The following HDAC9 variants were observed in gnomAD, a reference collection of about 807,000 sequenced individuals.
HDAC9 encodes the protein histone deacetylase 9.
A neutral mutation model predicts 139.4 loss-of-function variants in HDAC9; 41 were observed. The ratio of observed to expected loss-of-function variants is 0.29; its 90% CI spans 0.23 to 0.38. The LOEUF (loss-of-function observed/expected upper bound fraction) is 0.38. HDAC9 is among the 10% of genes least tolerant of loss of function. The pLI, the probability that HDAC9 is intolerant of heterozygous loss-of-function variation, is 1.00. For missense variants in HDAC9, 1,147 were observed against 1,297.0 expected, an observed-to-expected ratio of 0.88 and a Z score of 1.78; for synonymous variants, 517 against 476.2, an observed-to-expected ratio of 1.09 and a Z score of -1.12.
intron 1 of HDAC9, among the ~76,000 whole-genome samples, chr7:18,390,045 A>AC (rs1277074853): frequency 3.4e-5 from 3 of 88,340 alleles, no homozygotes; most frequent in Non-Finnish European, 5.0e-5. Context: ...CTAGAGAAAG[A>AC]CAACACACAC....
At chr7:18,986,646 G>T (rs1422625058) in intron 25 of HDAC9, among the ~76,000 whole-genome samples, 2 of 151,610 alleles carry the variant, frequency 1.3e-5, no homozygotes, top group Non-Finnish European at 2.9e-5. Flanking sequence ...CATTGAATCT[G>T]TAAATTACCT....
chr7:18,158,479 G>A lies in HDAC9; in HGVS notation c.-96-3750G>A, dbSNP rs1421496923. ...ATGTTCATACAGCTCTGCTCAAGTGGTCTGTAATTCCTTGCAATGCCGCGA... is the reference window on the plus strand; with the variant it reads ...ATGTTCATACAGCTCTGCTCAAGTGATCTGTAATTCCTTGCAATGCCGCGA... On this transcript the variant is annotated intron_variant, in intron 1 of 12. Transcript: ENST00000417496. Among the ~76,000 whole-genome samples the A allele has an allele frequency of 3.3e-5, 5 of 152,182 alleles. No individual in the cohort carries two copies. The East Asian group carries it at 5.8e-4, about 18-fold the overall frequency.
chr7:18,378,508 A>C lies in HDAC9; in HGVS notation c.-42+87993A>C, dbSNP rs945644747. Among the ~76,000 whole-genome samples the C allele has an allele frequency of 1.8e-4, 28 of 152,096 alleles. 1 individual carries two copies. The highest frequency in any genetic ancestry group is 7.4e-5 in the Non-Finnish European group (5 of 67,976). Reference sequence around the variant, plus strand: ...ATATCTGAGAATGGATTAAATTCACATTAAGAATAGTTAGGAGAGAAAGGA... The same window carrying C: ...ATATCTGAGAATGGATTAAATTCACCTTAAGAATAGTTAGGAGAGAAAGGA... On this transcript the variant is annotated intron_variant, in intron 1 of 3. Transcript: ENST00000413509.
intron 22 of HDAC9, among the ~76,000 whole-genome samples, chr7:18,931,424 A>G (rs1032269811): frequency 2.6e-5 from 4 of 152,206 alleles, no homozygotes; most frequent in Non-Finnish European, 5.9e-5. Flanking sequence ...ACAGTTTTTA[A>G]CTAATTTTTA....
At chr7:18,687,039 A>G (rs979512141) in intron 12 of HDAC9, among the ~76,000 whole-genome samples, 4 of 151,842 alleles carry the variant, frequency 2.6e-5, no homozygotes, top group African/African-American at 9.7e-5. Context: ...CAGATACAGT[A>G]TGCTTTGAGA....
intron 2 of HDAC9, among the ~76,000 whole-genome samples, chr7:18,259,922 A>G (rs954736204): frequency 2.0e-5 from 3 of 152,190 alleles, no homozygotes; most frequent in African/African-American, 7.2e-5. Context: ...ATCACTATGT[A>G]CTTCATACTT....
intron 17 of HDAC9, among the ~76,000 whole-genome samples, chr7:18,823,853 C>T (rs1317810643): frequency 6.6e-6 from 1 of 151,780 alleles, no homozygotes; most frequent in African/African-American, 2.4e-5. Flanking sequence ...GTGGTGTGTG[C>T]CTGTAGCCCC....
chr7:18,483,281 T>C (rs1469976106), intron 1 of HDAC9, among the ~76,000 whole-genome samples: 3 of 152,234 alleles, frequency 2.0e-5, no homozygotes, highest in Middle Eastern at 3.4e-3. Flanking sequence ...GAGGGAGATA[T>C]CATCTTAAGC....
intron 1 of HDAC9, among the ~76,000 whole-genome samples, chr7:18,320,896 T>C (rs1799979756): frequency 6.6e-6 from 1 of 152,188 alleles, no homozygotes; most frequent in East Asian, 1.9e-4. Context: ...AGGAGAACTT[T>C]CCAATTGTCC....
chr7:18,743,403 C>T (rs1787632268), intron 13 of HDAC9, among the ~76,000 whole-genome samples: 2 of 152,228 alleles, frequency 1.3e-5, no homozygotes, highest in South Asian at 4.1e-4. Context: ...TGCTTCTTAT[C>T]TAGTGAGAGA....
At position 18,484,344 on chromosome 7, in the gene HDAC9, A is replaced by T. The variant is rs570344532; in HGVS notation, c.-41-11918A>T. 2.6e-5 allele frequency among the ~76,000 whole-genome samples: 4 copies of T among 152,096 alleles called. No individual in the cohort carries two copies. In the East Asian group the frequency reaches 7.7e-4, roughly 29 times the overall value. On this transcript the variant is annotated intron_variant, in intron 1 of 3. Transcript: ENST00000413509. ...AGCAAGATCCTATTAAAAAAAAAAA[A>T]AGTAAATGTCTATAGGTATTGAAAT...
chr7:18,160,382 G>C (rs1787542949), intron 1 of HDAC9, among the ~76,000 whole-genome samples: 1 of 152,150 alleles, frequency 6.6e-6, no homozygotes, highest in Non-Finnish European at 1.5e-5. Context: ...GCTCACACTT[G>C]TCAATTTAGG....
At chr7:18,720,726 G>T (rs1254660338) in intron 12 of HDAC9, among the ~76,000 whole-genome samples, 1 of 150,240 alleles carries the variant, frequency 6.7e-6, no homozygotes, top group Non-Finnish European at 1.5e-5. Flanking sequence ...CTGTCACTCA[G>T]GCTGGAGTCC....
chr7:18,443,479 C>G (rs1791981150), intron 1 of HDAC9, among the ~76,000 whole-genome samples: 1 of 152,092 alleles, frequency 6.6e-6, no homozygotes, highest in Admixed American at 6.6e-5. Flanking sequence ...GAAGTAAGCA[C>G]TAATTATACC....
At chr7:18,455,987 T>C (rs1793306724) in intron 1 of HDAC9, among the ~76,000 whole-genome samples, 1 of 152,194 alleles carries the variant, frequency 6.6e-6, no homozygotes, top group Admixed American at 6.5e-5. Context: ...AGAAGCTTTT[T>C]TACTTGCTAG....
intron 16 of HDAC9, among the ~76,000 whole-genome samples, chr7:18,792,267 T>A (rs10240128): frequency 0.088 from 12,465 of 141,204 alleles, 635 homozygotes; most frequent in African/African-American, 0.14. Flanking sequence ...CTTTTTTTTT[T>A]AAAAAAAAAA....
chr7:18,347,276 A>T (rs951439948), intron 1 of HDAC9, among the ~76,000 whole-genome samples: 1 of 152,168 alleles, frequency 6.6e-6, no homozygotes, highest in Non-Finnish European at 1.5e-5. Flanking sequence ...AGTGAAGGAA[A>T]ATGAGCACTT....
At chr7:18,359,217 G>T (rs533310516) in intron 1 of HDAC9, among the ~76,000 whole-genome samples, 1 of 152,126 alleles carries the variant, frequency 6.6e-6, no homozygotes, top group African/African-American at 2.4e-5. Flanking sequence ...GTAGCCGGGC[G>T]TGGTGGTGCA....
chr7:18,732,412 A>G (rs1786143215), intron 13 of HDAC9, among the ~76,000 whole-genome samples: 1 of 145,512 alleles, frequency 6.9e-6, no homozygotes, highest in African/African-American at 2.8e-5. Flanking sequence ...TTGTATACAT[A>G]TCTATGTGCA....
Sources: gnomAD v4.1 joint callset for allele counts (sites outside exome capture counted in the v4.1 genomes callset) on GRCh38, gnomAD v4.1.1 for gene constraint, MANE v1.5 for transcripts, NCBI Gene and HGNC (gene_info 2026-07-23, HGNC 2026-07-21) for gene names.